Variants in FGF14 observed in about 807,000 individuals in gnomAD.
FGF14 encodes fibroblast growth factor homologous factor 4.
Under a neutral mutation model 25.5 loss-of-function variants are expected in FGF14, and 5 were observed. The observed-to-expected ratio is 0.20, with a 90% CI of 0.10 to 0.41. The LOEUF is 0.41. Among genes scored for constraint, FGF14 ranks in the 10% least tolerant of loss-of-function variants. The pLI is 1.00. For synonymous variants in FGF14, 138 were observed against 118.3 expected (o/e 1.17, Z -1.08); for missense variants, 222 against 320.1 (o/e 0.69, Z 2.34).
rs2044173254 is a variant in FGF14 at position 102,091,688 on chromosome 13, C to G, written c.209-216392G>C. On this transcript the variant is annotated intron_variant, in intron 1 of 4. Transcript: ENST00000376131. ...CTTACAGGTCTGAGTTTGAGTTTCA[C>G]TAGACCTTCCCTCGAAGTTTTTTGT... Among the ~76,000 whole-genome samples, 3 of 152,118 alleles carry G rather than the reference C, an allele frequency of 2.0e-5. No homozygotes were observed. The South Asian group carries it at 6.2e-4, about 32-fold the overall frequency.
intron 3 of FGF14, among the ~76,000 whole-genome samples, chr13:101,815,597 C>G (rs184523325): frequency 6.6e-6 from 1 of 152,140 alleles, no homozygotes; most frequent in African/African-American, 2.4e-5. Flanking sequence ...AGGGCTTCAT[C>G]GTATCTTATC....
intron 3 of FGF14, among the ~76,000 whole-genome samples, chr13:101,812,755 C>T (rs1411215546): frequency 6.8e-6 from 1 of 147,136 alleles, no homozygotes; most frequent in African/African-American, 2.5e-5. Flanking sequence ...CTCTGCCTCC[C>T]AGCCTGGTTC....
rs147420955 is a variant in FGF14, at chr13:102,015,836, C to T, written c.209-140540G>A. On this transcript the variant is annotated intron_variant, in intron 1 of 4. Transcript: ENST00000376131. Reference sequence around the variant, plus strand: ...TTAAAGACACAATATGCATTTCTCTCCCTGGATATAGTCTTAGTTAAACTT... The same window carrying T: ...TTAAAGACACAATATGCATTTCTCTTCCTGGATATAGTCTTAGTTAAACTT... 7.9e-5 allele frequency among the ~76,000 whole-genome samples: 12 copies of T among 152,252 alleles called. No homozygotes were observed. The East Asian group carries it at 1.9e-3, about 25-fold the overall frequency.
At chr13:101,959,510 T>G (rs1490562647) in intron 1 of FGF14, among the ~76,000 whole-genome samples, 1 of 152,206 alleles carries the variant, frequency 6.6e-6, no homozygotes, top group Non-Finnish European at 1.5e-5. Context: ...CATATTTGTT[T>G]CATTAAACTA....
intron 3 of FGF14, among the ~76,000 whole-genome samples, chr13:101,773,369 A>T (rs2038897803): frequency 6.6e-6 from 1 of 152,002 alleles, no homozygotes; most frequent in African/African-American, 2.4e-5. Context: ...GCGACTAATG[A>T]CAAATGTGTG....
intron 1 of FGF14, among the ~76,000 whole-genome samples, chr13:101,997,834 T>C (rs1375536670): frequency 6.6e-6 from 1 of 151,530 alleles, no homozygotes; most frequent in East Asian, 1.9e-4. Flanking sequence ...TTTCAGCCCA[T>C]TTTTTGAAGT....
chr13:102,399,341 T>C (rs1239985200), intron 1 of FGF14, among the ~76,000 whole-genome samples: 1 of 152,180 alleles, frequency 6.6e-6, no homozygotes, highest in Non-Finnish European at 1.5e-5. Flanking sequence ...AATGGTCACA[T>C]CTAAATAAAA....
At chr13:101,840,400 AAC>A (rs1248380247) in intron 3 of FGF14, among the ~76,000 whole-genome samples, 3 of 151,780 alleles carry the variant, frequency 2.0e-5, no homozygotes, top group East Asian at 1.9e-4. Context: ...AGTTACTTAA[AAC>A]AGATATATTT....
chr13:102,265,487 T>C (rs1416526970), intron 1 of FGF14, among the ~76,000 whole-genome samples: 1 of 152,182 alleles, frequency 6.6e-6, no homozygotes, highest in Admixed American at 6.6e-5. Context: ...CTATAAGCCA[T>C]GACTTGGGTT....
chr13:102,130,945 C>T (rs1016384352), intron 1 of FGF14, among the ~76,000 whole-genome samples: 8 of 152,188 alleles, frequency 5.3e-5, no homozygotes, highest in East Asian at 1.9e-4. Context: ...CCATTAAATA[C>T]ATTTGCCCCC....
intron 1 of FGF14, among the ~76,000 whole-genome samples, chr13:102,198,367 C>T (rs895385736): frequency 1.3e-5 from 2 of 152,174 alleles, no homozygotes; most frequent in African/African-American, 4.8e-5. Context: ...CACACCAGTG[C>T]CAAATATAAC....
chr13:102,354,011 A>T (rs1212859290), intron 1 of FGF14: 4 of 167,848 alleles, frequency 2.4e-5, no homozygotes, highest in Non-Finnish European at 3.7e-5. Flanking sequence ...AAAATCACTA[A>T]GCCAAAGGGA....
intron 1 of FGF14, among the ~76,000 whole-genome samples, chr13:102,205,235 G>A (rs1427300117): frequency 6.6e-6 from 1 of 152,124 alleles, no homozygotes; most frequent in Non-Finnish European, 1.5e-5. Flanking sequence ...TAACTTCTAT[G>A]AGCTTTGGTT....
At chr13:102,242,899 G>C (rs779307260) in intron 1 of FGF14, among the ~76,000 whole-genome samples, 1 of 152,046 alleles carries the variant, frequency 6.6e-6, no homozygotes, top group Admixed American at 6.6e-5. Flanking sequence ...TCTTGCCCTA[G>C]GCATTGGGCT....
intron 1 of FGF14, chr13:102,395,474 G>A (rs1402556215): frequency 1.3e-5 from 2 of 152,174 alleles, no homozygotes; most frequent in East Asian, 3.9e-4. Context: ...TGGGCCAAGG[G>A]AATGTCTGCA....
intron 1 of FGF14, among the ~76,000 whole-genome samples, chr13:101,948,848 A>AT (rs1022433444): frequency 6.6e-6 from 1 of 152,158 alleles, no homozygotes; most frequent in African/African-American, 2.4e-5. Flanking sequence ...TTTGCCTTGA[A>AT]TTTTTTAAAT....
intron 3 of FGF14, among the ~76,000 whole-genome samples, chr13:101,829,315 T>A (rs2042558850): frequency 6.6e-6 from 1 of 152,098 alleles, no homozygotes. Flanking sequence ...ATCAGTTCTG[T>A]GCAGTATCAT....
intron 1 of FGF14, among the ~76,000 whole-genome samples, chr13:101,889,684 C>T (rs2046173128): frequency 6.6e-6 from 1 of 152,102 alleles, no homozygotes; most frequent in East Asian, 1.9e-4. Flanking sequence ...ACTTTTTAAC[C>T]CAGAAACTTC....
chr13:102,048,377 C>T (rs2042082218), intron 1 of FGF14, among the ~76,000 whole-genome samples: 1 of 152,132 alleles, frequency 6.6e-6, no homozygotes, highest in Non-Finnish European at 1.5e-5. Context: ...TTGCAGAGTG[C>T]CTGATACCTT....
Sources: allele counts gnomAD v4.1 joint callset (sites outside exome capture counted in the v4.1 genomes callset), GRCh38; gene constraint gnomAD v4.1.1; transcripts MANE v1.5; gene names NCBI Gene and HGNC (gene_info 2026-07-23, HGNC 2026-07-21).